The following NRCAM variants were observed in gnomAD, a reference collection of about 807,000 sequenced individuals.
The protein encoded by NRCAM is NgCAM-related cell adhesion molecule.
Under a neutral mutation model 156.5 loss-of-function variants are expected in NRCAM, and 83 were observed. The ratio of observed to expected loss-of-function variants is 0.53; its 90% CI spans 0.44 to 0.64. The LOEUF (loss-of-function observed/expected upper bound fraction) is 0.64, where lower values mean the gene tolerates loss of function less well. Ranked by LOEUF, NRCAM falls within the 30% of genes least tolerant of loss-of-function variation. The pLI is 0.00. For synonymous variants in NRCAM, 538 were observed against 563.9 expected (o/e 0.95, Z 0.65); for missense variants, 1,417 against 1,597.3 (o/e 0.89, Z 1.92).
chr7:108,243,358 C>A (rs923587069), intron 3 of NRCAM: 1 of 152,212 alleles, frequency 6.6e-6, no homozygotes, highest in Non-Finnish European at 1.5e-5. Context: ...ACTGAGATTT[C>A]TCTCGATGAG....
chr7:108,273,981 C>T (rs1292534818), intron 3 of NRCAM, among the ~76,000 whole-genome samples: 1 of 152,180 alleles, frequency 6.6e-6, no homozygotes, highest in Non-Finnish European at 1.5e-5. Flanking sequence ...TTGCCCAGCA[C>T]CATTTATTAA....
intron 3 of NRCAM, among the ~76,000 whole-genome samples, chr7:108,305,345 C>T (rs2098699507): frequency 6.6e-6 from 1 of 152,120 alleles, no homozygotes; most frequent in South Asian, 2.1e-4. Context: ...ATATATTTTC[C>T]AGGTCATTTG....
intron 1 of NRCAM, among the ~76,000 whole-genome samples, chr7:108,427,577 G>A (rs1818959411): frequency 6.6e-6 from 1 of 152,076 alleles, no homozygotes; most frequent in Non-Finnish European, 1.5e-5. Flanking sequence ...ATTTTACCTT[G>A]AAGAAAAAGA....
chr7:108,393,330 C>A (rs1365178064), intron 2 of NRCAM, among the ~76,000 whole-genome samples: 1 of 152,180 alleles, frequency 6.6e-6, no homozygotes, highest in Non-Finnish European at 1.5e-5. Context: ...GTGCTAGCAA[C>A]AAGCAAGGCT....
At chr7:108,443,879 T>TATAGATAGATAGATAG (rs142458020) in intron 1 of NRCAM, among the ~76,000 whole-genome samples, 23,294 of 148,044 alleles carry the variant, frequency 0.16, 1,991 homozygotes, top group Non-Finnish European at 0.17. Flanking sequence ...AGTATACAGA[T>TATAGATAGATAGATAG]ATAGATAGAT....
rs781384479 is a variant in NRCAM, at chr7:108,160,497, A to G, written c.3467-5T>C. On this transcript the variant is annotated splice_polypyrimidine_tract_variant and splice_region_variant and intron_variant, in intron 30 of 32. Coordinates refer to ENST00000379028, the MANE Select transcript of NRCAM (RefSeq NM_001037132.4). The stretch of plus-strand genomic sequence containing the variant: ...CCACCTGCCGGCTTGCCATCGCTGG[A>G]AAACAAATCAATGGTGTTGGTGGCA... 3 of 1,612,858 alleles carry G rather than the reference A, an allele frequency of 1.9e-6. No homozygotes were observed. In the African/African-American group the frequency reaches 4.0e-5, roughly 22 times the overall value.
intron 3 of NRCAM, among the ~76,000 whole-genome samples, chr7:108,291,056 G>A (rs2098273494): frequency 6.6e-6 from 1 of 152,226 alleles, no homozygotes; most frequent in East Asian, 1.9e-4. Context: ...TTTCCAATGC[G>A]AAAACCGGCG....
intron 1 of NRCAM, among the ~76,000 whole-genome samples, chr7:108,432,892 AAAG>A (rs1322730049): frequency 6.6e-6 from 1 of 151,936 alleles, no homozygotes; most frequent in Admixed American, 6.6e-5. Flanking sequence ...GACTCTGAAA[AAAG>A]AAAGAGAGAG....
At chr7:108,194,001 GT>G (rs534732028) in intron 17 of NRCAM, 22 bp downstream of exon 17, 71 of 1,608,254 alleles carry the variant, frequency 4.4e-5, no homozygotes, top group Admixed American at 1.0e-4. Flanking sequence ...TGAAGAGAAA[GT>G]AAAGAAATCG....
At chr7:108,357,310 TA>T (rs2099511090) in intron 2 of NRCAM, among the ~76,000 whole-genome samples, 1 of 151,844 alleles carries the variant, frequency 6.6e-6, no homozygotes. Flanking sequence ...GATTAAAAAG[TA>T]CTCTTTTGTT....
At chr7:108,238,408 A>C (rs2095281627) in intron 4 of NRCAM, among the ~76,000 whole-genome samples, 2 of 152,198 alleles carry the variant, frequency 1.3e-5, no homozygotes, top group Non-Finnish European at 2.9e-5. Flanking sequence ...GAAACGATGT[A>C]AGAAATAGGG....
At chr7:108,160,515 TG>T (rs747576647) in intron 30 of NRCAM, 23 bp from the exon 31 acceptor site, 1 of 1,611,166 alleles carries the variant, frequency 6.2e-7, no homozygotes, top group Non-Finnish European at 8.5e-7. Context: ...TCAATGGTGT[TG>T]GTGGCAATAG....
At chr7:108,230,595 C>T (rs916705443) in intron 8 of NRCAM, among the ~76,000 whole-genome samples, 2 of 152,102 alleles carry the variant, frequency 1.3e-5, no homozygotes, top group Admixed American at 1.3e-4. Context: ...CCTTGTCCTC[C>T]TTGCTTTTAT....
At chr7:108,348,483 G>C (rs1220133748) in intron 2 of NRCAM, among the ~76,000 whole-genome samples, 1 of 152,152 alleles carries the variant, frequency 6.6e-6, no homozygotes, top group Non-Finnish European at 1.5e-5. Context: ...AGGACTGACA[G>C]GATAAAAGGA....
intron 3 of NRCAM, among the ~76,000 whole-genome samples, chr7:108,298,951 CA>C: frequency 6.7e-6 from 1 of 148,458 alleles, no homozygotes; most frequent in South Asian, 2.2e-4. Context: ...ACTAAAAATA[CA>C]AAAATTAGCT....
At chr7:108,293,527 T>G (rs2154127132) in intron 3 of NRCAM, among the ~76,000 whole-genome samples, 1 of 152,304 alleles carries the variant, frequency 6.6e-6, no homozygotes, top group South Asian at 2.1e-4. Flanking sequence ...AGTCATGTTT[T>G]CCTACGTCAT....
At chr7:108,383,199 G>A (rs35791629) in intron 2 of NRCAM, among the ~76,000 whole-genome samples, 1 of 151,824 alleles carries the variant, frequency 6.6e-6, no homozygotes, top group Non-Finnish European at 1.5e-5. Context: ...AGTCACTCCT[G>A]TCTGGCTCAG....
chr7:108,446,026 CTCAG>C (rs1403236594), intron 1 of NRCAM, among the ~76,000 whole-genome samples: 1 of 152,172 alleles, frequency 6.6e-6, no homozygotes, highest in South Asian at 2.1e-4. Context: ...AAGTGCTTAA[CTCAG>C]TCAGTGTGCA....
intron 3 of NRCAM, among the ~76,000 whole-genome samples, chr7:108,309,261 T>C (rs745947124): frequency 3.9e-5 from 6 of 152,186 alleles, no homozygotes; most frequent in Non-Finnish European, 7.3e-5. Flanking sequence ...AGGAAGTTAA[T>C]TTGTATAAGA....
Sources: gnomAD v4.1 joint callset for allele counts (sites outside exome capture counted in the v4.1 genomes callset) on GRCh38, gnomAD v4.1.1 for gene constraint, MANE v1.5 for transcripts, NCBI Gene and HGNC (gene_info 2026-07-23, HGNC 2026-07-21) for gene names.